Variants in DLGAP4 observed in about 807,000 individuals in gnomAD.
DLGAP4 encodes disks large-associated protein 4.
Under a neutral mutation model 86.9 loss-of-function variants are expected in DLGAP4, and 18 were observed. The observed-to-expected ratio is 0.21, with a 90% confidence interval of 0.14 to 0.31. DLGAP4 has a LOEUF of 0.31. DLGAP4 is among the 10% of genes least tolerant of loss of function. The pLI, the probability that DLGAP4 is intolerant of heterozygous loss-of-function variation, is 1.00. For synonymous variants in DLGAP4, 548 were observed against 574.3 expected (o/e 0.95, Z 0.65); for missense variants, 1,085 against 1,362.6 (o/e 0.80, Z 3.21).
At chr20:36,488,125 G>A (rs769295805) in intron 7 of DLGAP4, among the ~76,000 whole-genome samples, 6 of 151,652 alleles carry the variant, frequency 4.0e-5, no homozygotes, top group Admixed American at 1.3e-4. Flanking sequence ...GCTTGAACCC[G>A]GGAGGCAGAG....
At chr20:36,365,209 C>G (rs550300567) in intron 1 of DLGAP4, among the ~76,000 whole-genome samples, 1 of 152,218 alleles carries the variant, frequency 6.6e-6, no homozygotes, top group African/African-American at 2.4e-5. Context: ...CAGGGCCCTG[C>G]GGCACCCTGC....
At chr20:36,469,921 AATATTTG>A (rs1366556487) in intron 7 of DLGAP4, among the ~76,000 whole-genome samples, 1 of 152,062 alleles carries the variant, frequency 6.6e-6, no homozygotes, top group African/African-American at 2.4e-5. Context: ...GCAGCCTCCA[AATATTTG>A]ATTACACTCT....
intron 2 of DLGAP4, among the ~76,000 whole-genome samples, chr20:36,392,265 G>A (rs543100308): frequency 3.7e-4 from 57 of 152,338 alleles, no homozygotes; most frequent in African/African-American, 1.3e-3. Flanking sequence ...CAGCTCAAAT[G>A]CGTTGAGTCT....
chr20:36,421,407 G>A (rs1159079270), intron 2 of DLGAP4, among the ~76,000 whole-genome samples: 3 of 150,896 alleles, frequency 2.0e-5, no homozygotes, highest in Admixed American at 1.3e-4. Context: ...GCAGTGAGCC[G>A]AGATCGCACA....
chr20:36,396,543 A>G (rs1165961336), intron 2 of DLGAP4, among the ~76,000 whole-genome samples: 4 of 147,924 alleles, frequency 2.7e-5, no homozygotes, highest in East Asian at 2.1e-4. Context: ...ACACACGCAC[A>G]CACACACCAC....
chr20:36,476,171 G>A (rs2034907079), intron 7 of DLGAP4, among the ~76,000 whole-genome samples: 2 of 151,818 alleles, frequency 1.3e-5, no homozygotes, highest in Non-Finnish European at 2.9e-5. Flanking sequence ...TTTTAAGTGT[G>A]CAGTTCATTG....
intron 7 of DLGAP4, among the ~76,000 whole-genome samples, chr20:36,452,507 T>C (rs1200022144): frequency 6.6e-6 from 1 of 151,744 alleles, no homozygotes; most frequent in Non-Finnish European, 1.5e-5. Flanking sequence ...TTCCTCCTTT[T>C]CTTGTAAATC....
intron 5 of DLGAP4, among the ~76,000 whole-genome samples, chr20:36,441,154 C>A (rs999911985): frequency 1.3e-5 from 2 of 152,196 alleles, no homozygotes; most frequent in South Asian, 4.1e-4. Context: ...CCACCTCCCC[C>A]TGAGGGAAAG....
chr20:36,346,192 G>C (rs576122958), intron 1 of DLGAP4, among the ~76,000 whole-genome samples: 7 of 152,226 alleles, frequency 4.6e-5, no homozygotes, highest in Non-Finnish European at 1.0e-4. Flanking sequence ...CTGGGATCCA[G>C]GGCTCTATGG....
intron 1 of DLGAP4, among the ~76,000 whole-genome samples, chr20:36,363,383 C>T (rs2030584221): frequency 1.3e-5 from 2 of 152,212 alleles, no homozygotes; most frequent in Non-Finnish European, 2.9e-5. Flanking sequence ...TTGAGCATTT[C>T]CTCTGGCTTC....
intron 1 of DLGAP4, among the ~76,000 whole-genome samples, chr20:36,317,276 TTATCTTTCTTTCTTTC>T (rs1222653392): frequency 8.9e-4 from 8 of 8,954 alleles, no homozygotes; most frequent in Non-Finnish European, 1.4e-3. Flanking sequence ...TCTTTCTTTC[TTATCTTTCTTTCTTTC>T]TTATCTTTCT....
intron 2 of DLGAP4, among the ~76,000 whole-genome samples, chr20:36,386,160 A>ATT (rs2031588838): frequency 6.6e-6 from 1 of 152,204 alleles, no homozygotes; most frequent in Non-Finnish European, 1.5e-5. Context: ...TCAGCAGCCC[A>ATT]TGCAGCCAGC....
chr20:36,357,647 A>G (rs1002971291), intron 1 of DLGAP4, among the ~76,000 whole-genome samples: 1 of 152,214 alleles, frequency 6.6e-6, no homozygotes, highest in Admixed American at 6.5e-5. Flanking sequence ...AAGTGCATAG[A>G]AATGCCTCCT....
chr20:36,378,104 G>A (rs1328729075), intron 2 of DLGAP4, among the ~76,000 whole-genome samples: 1 of 152,182 alleles, frequency 6.6e-6, no homozygotes, highest in African/African-American at 2.4e-5. Context: ...CTCAGAGGCA[G>A]CAGGAGTTGC....
intron 7 of DLGAP4, among the ~76,000 whole-genome samples, chr20:36,486,327 A>C (rs999920860): frequency 9.2e-5 from 14 of 152,192 alleles, no homozygotes; most frequent in Admixed American, 7.2e-4. Flanking sequence ...AGAGTCCTTA[A>C]AGAATAATAG....
chr20:36,527,765 A>G lies in DLGAP4; in HGVS notation c.*734A>G, dbSNP rs2037858520. ...GAAGTTTTAGTCTTGGCGGGTGGAA[A>G]TGAGACGAAGCCACAGTTATCACAC... On this transcript the variant is annotated 3_prime_UTR_variant, in exon 13 of 13. Transcript: ENST00000339266. 1 of 152,666 alleles carries G rather than the reference A, an allele frequency of 6.6e-6. No homozygotes were observed. The highest frequency in any genetic ancestry group is 1.5e-5 in the Non-Finnish European group (1 of 68,074). 9.5% of individuals were successfully genotyped at this position (152,666 alleles called of 1,614,324 possible). A position where few individuals can be genotyped will look rare whatever the true frequency, so the allele number is the denominator to read the frequency against.
intron 7 of DLGAP4, 51 bp from the exon 8 acceptor site, chr20:36,496,654 G>C: frequency 6.4e-7 from 1 of 1,557,354 alleles, no homozygotes. Flanking sequence ...TGAGAGGGTT[G>C]GGGGCTTCAC....
intron 3 of DLGAP4, among the ~76,000 whole-genome samples, chr20:36,434,497 TGCC>T (rs2033216784): frequency 6.6e-6 from 1 of 152,176 alleles, no homozygotes. Context: ...CATGTAACAA[TGCC>T]GCAGAAACAC....
chr20:36,312,304 G>A lies in DLGAP4; in HGVS notation c.-304+5792G>A, dbSNP rs957459643. On this transcript the variant is annotated intron_variant, in intron 1 of 12. Coordinates refer to ENST00000339266, the MANE Select transcript of DLGAP4 (RefSeq NM_001365621.2). ...AACAAGATATTTGGCTCCTGGGACC[G>A]TTCATGGAAAAGGTAGAGCCCTCAA... Among the ~76,000 whole-genome samples, 50 of 152,286 alleles carry A rather than the reference G, an allele frequency of 3.3e-4. 1 individual carries two copies. The South Asian group carries it at 6.0e-3, about 18-fold the overall frequency.
Sources: allele counts gnomAD v4.1 joint callset (sites outside exome capture counted in the v4.1 genomes callset), GRCh38; gene constraint gnomAD v4.1.1; transcripts MANE v1.5; gene names NCBI Gene and HGNC (gene_info 2026-07-23, HGNC 2026-07-21).